The following GRID2 variants were observed in gnomAD, a reference collection of about 807,000 sequenced individuals.
GRID2 encodes the protein glutamate ionotropic receptor delta type subunit 2, also known as glutamate receptor ionotropic, delta-2.
Under a neutral mutation model 114.8 loss-of-function variants are expected in GRID2, and 33 were observed. The observed-to-expected ratio is 0.29, with a 90% CI of 0.22 to 0.38. GRID2 has a LOEUF of 0.38. Among genes scored for constraint, GRID2 ranks in the 10% least tolerant of loss-of-function variants. The pLI is 1.00. For synonymous variants in GRID2, 505 were observed against 449.9 expected (o/e 1.12, Z -1.55); for missense variants, 1,184 against 1,257.7 (o/e 0.94, Z 0.89).
chr4:92,389,494 A>ACAGT (rs1730141989), intron 1 of GRID2, among the ~76,000 whole-genome samples: 2 of 151,834 alleles, frequency 1.3e-5, no homozygotes, highest in Non-Finnish European at 2.9e-5. Context: ...GTTCAGCTCC[A>ACAGT]CAGTTAAAAG....
intron 1 of GRID2, among the ~76,000 whole-genome samples, chr4:92,455,553 G>T: frequency 6.6e-6 from 1 of 152,100 alleles, no homozygotes; most frequent in Admixed American, 6.5e-5. Flanking sequence ...GTGAGCGAGA[G>T]GGAAACCGCA....
At chr4:92,317,669 A>C (rs1377190598) in intron 1 of GRID2, among the ~76,000 whole-genome samples, 2 of 152,230 alleles carry the variant, frequency 1.3e-5, no homozygotes, top group Non-Finnish European at 2.9e-5. Flanking sequence ...GCTCGTATGC[A>C]CAGGCTTGCT....
intron 2 of GRID2, among the ~76,000 whole-genome samples, chr4:93,065,428 CCT>C (rs1309359494): frequency 6.6e-6 from 1 of 151,776 alleles, no homozygotes; most frequent in East Asian, 1.9e-4. Flanking sequence ...TTAGCTGATT[CCT>C]CTGATTGCAC....
chr4:93,681,979 C>A (rs1362641644), intron 14 of GRID2, among the ~76,000 whole-genome samples: 3 of 151,338 alleles, frequency 2.0e-5, no homozygotes, highest in Non-Finnish European at 4.4e-5. Flanking sequence ...AAACTACCAT[C>A]AGAGTGAACA....
At chr4:92,422,169 C>G (rs2110325973) in intron 1 of GRID2, among the ~76,000 whole-genome samples, 1 of 152,092 alleles carries the variant, frequency 6.6e-6, no homozygotes, top group Non-Finnish European at 1.5e-5. Context: ...CTACCTAAAA[C>G]AGATCAGTAC....
intron 4 of GRID2, among the ~76,000 whole-genome samples, chr4:93,146,787 C>G (rs530558243): frequency 6.6e-6 from 1 of 152,036 alleles, no homozygotes; most frequent in Non-Finnish European, 1.5e-5. Flanking sequence ...AGCTACTATG[C>G]TTTTCATTGG....
chr4:93,150,292 A>G (rs1019707747), intron 4 of GRID2, among the ~76,000 whole-genome samples: 65 of 152,162 alleles, frequency 4.3e-4, no homozygotes, highest in African/African-American at 1.6e-3. Context: ...AGGCTCTAGT[A>G]CAGAACACCT....
intron 2 of GRID2, among the ~76,000 whole-genome samples, chr4:92,684,880 A>T (rs1277348685): frequency 6.6e-6 from 1 of 152,042 alleles, no homozygotes; most frequent in Non-Finnish European, 1.5e-5. Context: ...AAGTTCTTGG[A>T]TTTATCTTCT....
At chr4:92,970,754 A>G (rs1753457009) in intron 2 of GRID2, among the ~76,000 whole-genome samples, 1 of 152,024 alleles carries the variant, frequency 6.6e-6, no homozygotes, top group African/African-American at 2.4e-5. Context: ...ATTTATGTTT[A>G]GTCAGGATCT....
chr4:93,259,676 C>G (rs1419642528), intron 8 of GRID2, among the ~76,000 whole-genome samples: 1 of 151,800 alleles, frequency 6.6e-6, no homozygotes, highest in Non-Finnish European at 1.5e-5. Flanking sequence ...CCATATTTCA[C>G]AAGAAATGTG....
intron 8 of GRID2, among the ~76,000 whole-genome samples, chr4:93,258,686 T>C (rs901561089): frequency 1.3e-5 from 2 of 151,856 alleles, no homozygotes; most frequent in Non-Finnish European, 2.9e-5. Context: ...AAATAGTTTG[T>C]TATTAGTTAT....
rs560742514 is a variant in GRID2, at chr4:93,026,304, A to G, written c.245-58691A>G. Among the ~76,000 whole-genome samples the G allele has an allele frequency of 4.6e-5, 7 of 151,926 alleles. No homozygotes were observed. The South Asian group carries it at 1.0e-3, about 22-fold the overall frequency. On this transcript the variant is annotated intron_variant, in intron 2 of 15. Coordinates refer to ENST00000282020, the MANE Select transcript of GRID2 (RefSeq NM_001510.4). ...ACATTGAGCTCATTATAAAATATTT[A>G]TAGGGCATATTTGGCCTCACACAAT... is the stretch of plus-strand genomic sequence containing the variant.
At chr4:93,779,250 T>C (rs755464845), downstream of GRID2, among the ~76,000 whole-genome samples, 2 of 152,036 alleles carry the variant, frequency 1.3e-5, no homozygotes, top group Non-Finnish European at 2.9e-5. Flanking sequence ...ACAGGAACTT[T>C]AGCAAGGCTT....
intron 1 of GRID2, among the ~76,000 whole-genome samples, chr4:92,391,328 T>C (rs1730228847): frequency 6.6e-6 from 1 of 152,172 alleles, no homozygotes; most frequent in East Asian, 1.9e-4. Context: ...GACTTCATGG[T>C]TACTTTCAGC....
intron 8 of GRID2, among the ~76,000 whole-genome samples, chr4:93,332,141 A>G (rs1274969161): frequency 6.6e-6 from 1 of 152,108 alleles, no homozygotes; most frequent in East Asian, 1.9e-4. Context: ...AAGAAGTACA[A>G]CTCAAGTGGA....
At chr4:92,676,156 G>GC (rs70942924) in intron 2 of GRID2, among the ~76,000 whole-genome samples, 608 of 25,028 alleles carry the variant, frequency 0.024, 75 homozygotes, top group Middle Eastern at 0.077. Context: ...GTCGTGTCAA[G>GC]CCCCCCCCCC....
At chr4:92,465,853 A>T (rs1721726400) in intron 1 of GRID2, among the ~76,000 whole-genome samples, 1 of 152,024 alleles carries the variant, frequency 6.6e-6, no homozygotes, top group Non-Finnish European at 1.5e-5. Flanking sequence ...CCTGACTTAT[A>T]GATGTGGTAA....
chr4:93,672,214 C>T (rs1161836462), intron 14 of GRID2, among the ~76,000 whole-genome samples: 1 of 152,194 alleles, frequency 6.6e-6, no homozygotes, highest in Non-Finnish European at 1.5e-5. Context: ...CCTGCTCAAA[C>T]TCCCCTGACC....
intron 2 of GRID2, among the ~76,000 whole-genome samples, chr4:92,624,474 T>A (rs970667170): frequency 8.6e-5 from 13 of 151,884 alleles, no homozygotes; most frequent in Admixed American, 3.3e-4. Context: ...TGTTGTGTCT[T>A]TTGATTGGAC....
Sources: gnomAD v4.1 joint callset for allele counts (sites outside exome capture counted in the v4.1 genomes callset) on GRCh38, gnomAD v4.1.1 for gene constraint, MANE v1.5 for transcripts, NCBI Gene and HGNC (gene_info 2026-07-23, HGNC 2026-07-21) for gene names.